STIMATE: variants seen among roughly 807,000 people sequenced by gnomAD.
The protein encoded by STIMATE is store-operated calcium entry regulator STIMATE.
A neutral mutation model predicts 36.7 loss-of-function variants in STIMATE; 15 were observed. The ratio of observed to expected loss-of-function variants is 0.41; its 90% CI spans 0.27 to 0.63. The LOEUF is 0.63. STIMATE is among the 20% of genes least tolerant of loss of function. The pLI, the probability that STIMATE is intolerant of heterozygous loss-of-function variation, is 0.32. For synonymous variants in STIMATE, 163 were observed against 162.3 expected, an observed-to-expected ratio of 1.00 and a Z score of -0.03; for missense variants, 305 against 397.3, an observed-to-expected ratio of 0.77 and a Z score of 1.98.
At chr3:52,841,935 A>G (rs1260153598) in intron 7 of STIMATE, among the ~76,000 whole-genome samples, 1 of 152,200 alleles carries the variant, frequency 6.6e-6, no homozygotes, top group African/African-American at 2.4e-5. Context: ...GGTGCTGGCC[A>G]GATTCTAGAG....
chr3:52,841,647 C>T (rs1700799719), intron 7 of STIMATE: 1 of 152,518 alleles, frequency 6.6e-6, no homozygotes, highest in African/African-American at 2.4e-5. Context: ...GGCTTCCTGC[C>T]TCTAGTCTCG....
intron 1 of STIMATE, among the ~76,000 whole-genome samples, chr3:52,874,255 A>G (rs967124489): frequency 1.3e-5 from 2 of 152,242 alleles, no homozygotes; most frequent in African/African-American, 4.8e-5. Context: ...TATGGTACAT[A>G]AATTATACCT....
intron 7 of STIMATE, among the ~76,000 whole-genome samples, chr3:52,841,959 G>T (rs180780809): frequency 1.3e-5 from 2 of 152,338 alleles, no homozygotes; most frequent in East Asian, 3.9e-4. Context: ...AGCACCTAGA[G>T]AAGACACGGC....
intron 1 of STIMATE, among the ~76,000 whole-genome samples, chr3:52,861,252 A>T (rs1251425009): frequency 2.0e-5 from 3 of 152,198 alleles, no homozygotes; most frequent in African/African-American, 7.2e-5. Context: ...CTGAACAGAG[A>T]GAGGGGAGAA....
chr3:52,842,584 T>A (rs921041210), intron 7 of STIMATE, among the ~76,000 whole-genome samples: 1 of 152,248 alleles, frequency 6.6e-6, no homozygotes, highest in African/African-American at 2.4e-5. Flanking sequence ...CACTCCCATC[T>A]GCTCTGCCCT....
At chr3:52,849,701 T>C (rs932330335) in intron 4 of STIMATE, 91 bp downstream of exon 4, 35 of 1,514,960 alleles carry the variant, frequency 2.3e-5, no homozygotes, top group Non-Finnish European at 3.1e-5. Context: ...CAGCCATTTC[T>C]GGATCTGTTT....
intron 4 of STIMATE, chr3:52,847,387 T>G (rs899336806): frequency 7.9e-7 from 1 of 1,267,112 alleles, no homozygotes; most frequent in Non-Finnish European, 1.0e-6. Flanking sequence ...GCAAGACCCA[T>G]GAAGCACCGT....
chr3:52,871,827 A>C (rs1185510998), intron 1 of STIMATE, among the ~76,000 whole-genome samples: 2 of 152,228 alleles, frequency 1.3e-5, no homozygotes, highest in African/African-American at 2.4e-5. Flanking sequence ...CATAAAATTG[A>C]AACACACAAA....
intron 4 of STIMATE, among the ~76,000 whole-genome samples, chr3:52,845,561 A>G (rs1700879716): frequency 6.6e-6 from 1 of 152,156 alleles, no homozygotes; most frequent in Non-Finnish European, 1.5e-5. Context: ...GGAAGTGAAG[A>G]GAGAAGTCCT....
intron 1 of STIMATE, among the ~76,000 whole-genome samples, chr3:52,889,364 T>C (rs1439816034): frequency 1.3e-5 from 2 of 152,206 alleles, no homozygotes; most frequent in Non-Finnish European, 2.9e-5. Flanking sequence ...GAGAGCTGCA[T>C]ACAATCCAGG....
chr3:52,887,061 T>C (rs1701696656), intron 1 of STIMATE, among the ~76,000 whole-genome samples: 1 of 152,200 alleles, frequency 6.6e-6, no homozygotes, highest in Non-Finnish European at 1.5e-5. Flanking sequence ...AAATGTCAAG[T>C]GTGCCTCTGG....
Position 52,845,008 on chromosome 3 carries a change from C to T in STIMATE, c.428-67G>A. ...ATCTGAGTGAGATGATGTCCCCACC[C>T]CACTCCCCCACACGCACCCCAGAAC... is the stretch of plus-strand genomic sequence containing the variant. On this transcript the variant is annotated intron_variant, in intron 4 of 7. Coordinates refer to ENST00000355083, the MANE Select transcript of STIMATE (RefSeq NM_198563.5). 5 of 1,526,340 alleles carry T rather than the reference C, an allele frequency of 3.3e-6. No homozygotes were observed. In the East Asian group the frequency reaches 9.2e-5, roughly 28 times the overall value. 94.5% of individuals were successfully genotyped at this position (1,526,340 alleles called of 1,614,324 possible).
At chr3:52,885,102 C>G (rs1701669494) in intron 1 of STIMATE, among the ~76,000 whole-genome samples, 1 of 152,064 alleles carries the variant, frequency 6.6e-6, no homozygotes, top group African/African-American at 2.4e-5. Flanking sequence ...TAATTTTAGC[C>G]ATTCTTGTCT....
chr3:52,885,914 T>C (rs1029889126), intron 1 of STIMATE, among the ~76,000 whole-genome samples: 1 of 152,220 alleles, frequency 6.6e-6, no homozygotes, highest in Non-Finnish European at 1.5e-5. Flanking sequence ...GCAAAGTTGC[T>C]TTATATATTT....
At chr3:52,843,182 C>T (rs1244945290) in intron 6 of STIMATE, 5 of 884,462 alleles carry the variant, frequency 5.7e-6, no homozygotes, top group Admixed American at 6.1e-5. Flanking sequence ...AGGAACGTGC[C>T]CTGACGGGTT....
At chr3:52,847,219 G>C in intron 4 of STIMATE, 1 of 1,137,168 alleles carries the variant, frequency 8.8e-7, no homozygotes, top group Non-Finnish European at 1.1e-6. Flanking sequence ...GACCTTGTGT[G>C]TCTTGCTTTT....
intron 1 of STIMATE, among the ~76,000 whole-genome samples, chr3:52,862,681 TG>T (rs1701237581): frequency 6.6e-6 from 1 of 152,224 alleles, no homozygotes. Context: ...AAAATCTAGT[TG>T]GCAATGATAA....
At position 52,897,408 on chromosome 3, in the gene STIMATE, C is replaced by G; in HGVS notation, c.43G>C (p.Gly15Arg). ...CCGGACGCGACTGTGGAGGGCGGCC[C>G]GCCTGGCAGTCCCCGGCTCGCGTTC... ...AGNASRGLPG[G>R]PPSTVASGAG... The change falls in exon 1 of 8, where the codon GGG (glycine) becomes CGG (arginine). Residue 15 changes from glycine (G) to arginine (R), a missense_variant. Gly to Arg is a moderately radical substitution (Grantham distance 125). This residue lies in a region of STIMATE where 57 missense variants were observed against 57.1 expected (regional missense o/e 1.00). Coordinates refer to ENST00000355083, the MANE Select transcript of STIMATE (RefSeq NM_198563.5). The G allele has an allele frequency of 6.8e-7, 1 of 1,472,512 alleles. No homozygotes were observed. The highest frequency in any genetic ancestry group is 8.9e-7 in the Non-Finnish European group (1 of 1,119,140). 91.2% of individuals were successfully genotyped at this position (1,472,512 alleles called of 1,614,324 possible).
chr3:52,870,650 G>GA (rs1701386531), intron 1 of STIMATE, among the ~76,000 whole-genome samples: 1 of 152,092 alleles, frequency 6.6e-6, no homozygotes. Flanking sequence ...TGCTGCGCGG[G>GA]CAGGGTGGCC....
Sources: allele counts gnomAD v4.1 joint callset (sites outside exome capture counted in the v4.1 genomes callset), GRCh38; gene constraint gnomAD v4.1.1; regional missense constraint gnomAD v4.1.1; transcripts MANE v1.5; gene names NCBI Gene and HGNC (gene_info 2026-07-23, HGNC 2026-07-21).